ANK3: variants seen among roughly 807,000 people sequenced by gnomAD.
ANK3 encodes ankyrin-3.
In ANK3, 57 loss-of-function variants were observed where a neutral mutation model predicts 370.9. That is an observed-to-expected ratio of 0.15 (90% confidence interval 0.12 to 0.19). The LOEUF is 0.19. ANK3 is among the 10% of genes least tolerant of loss of function. ANK3 has a pLI of 1.00. For synonymous variants in ANK3, 1,929 were observed against 1,946.3 expected (o/e 0.99, Z 0.23); for missense variants, 4,439 against 5,302.1 (o/e 0.84, Z 5.06).
chr10:60,348,551 T>C (rs2056197572), intron 1 of ANK3, among the ~76,000 whole-genome samples: 1 of 152,152 alleles, frequency 6.6e-6, no homozygotes, highest in Non-Finnish European at 1.5e-5. Context: ...ATTTAACTTC[T>C]ATTAGCCTCA....
Position 60,072,814 on chromosome 10 carries a change from C to T in ANK3, c.8067G>A (p.Val2689=). ...SQQTEDSKST[V]EAKGSISQSK... is the part of the protein sequence containing the mutation. ...TCTGTGAAATACTTCCTTTGGCTTC[C>T]ACTGTGGACTTGCTGTCCTCAGTCT... The change falls in exon 37 of 44, where the codon GTG becomes GTA. Residue 2689 remains valine, a synonymous_variant. Transcript: ENST00000280772. 6.2e-7 allele frequency: 1 copy of T among 1,614,118 alleles called. No individual in the cohort carries two copies. Among genetic ancestry groups the T allele is most frequent in the Non-Finnish European group, 8.5e-7 (1 of 1,180,008 alleles).
In ANK3 at chr10:60,044,162, A is replaced by C. The variant is rs928201297; in HGVS notation, c.13066-1403T>G. On this transcript the variant is annotated intron_variant, in intron 42 of 43. Transcript: ENST00000280772. ...TAGGAAGTAATGGTGAAAAGTAGAGATTTTTCTGTTTTAGGAGATGACACT... is the reference window on the plus strand; with the variant it reads ...TAGGAAGTAATGGTGAAAAGTAGAGCTTTTTCTGTTTTAGGAGATGACACT... 18 of 985,388 alleles carry C rather than the reference A, an allele frequency of 1.8e-5. No homozygotes were observed. In the African/African-American group the frequency reaches 2.6e-4, roughly 14 times the overall value. 61.0% of individuals were successfully genotyped at this position (985,388 alleles called of 1,614,324 possible).
intron 1 of ANK3, among the ~76,000 whole-genome samples, chr10:60,316,409 G>A (rs1210921629): frequency 2.0e-5 from 3 of 152,230 alleles, no homozygotes; most frequent in African/African-American, 7.2e-5. Context: ...CTCCTTCCTA[G>A]CTCTTAATCT....
chr10:60,472,458 C>T (rs1311757857), intron 2 of ANK3, among the ~76,000 whole-genome samples: 1 of 152,052 alleles, frequency 6.6e-6, no homozygotes, highest in Non-Finnish European at 1.5e-5. Flanking sequence ...TTAATGTGTT[C>T]GGATAAAGGT....
intron 34 of ANK3, 96 bp from the exon 35 acceptor site, chr10:60,082,272 C>A: frequency 1.9e-6 from 2 of 1,070,750 alleles, no homozygotes; most frequent in South Asian, 2.9e-5. Flanking sequence ...GTAGGGAGCA[C>A]AAATGCAAGC....
chr10:60,032,194 CTTTT>C (rs552219776), intron 43 of ANK3, among the ~76,000 whole-genome samples: 27 of 43,128 alleles, frequency 6.3e-4, no homozygotes, highest in Admixed American at 2.0e-3. Flanking sequence ...TACACAGCTT[CTTTT>C]TTTTTTTTTT....
At chr10:60,059,207 T>C in intron 41 of ANK3, 133 bp downstream of exon 41, 1 of 698,388 alleles carries the variant, frequency 1.4e-6, no homozygotes, top group Admixed American at 2.3e-5. Flanking sequence ...CATAATGAAC[T>C]GGTCTTTAAA....
At chr10:60,321,248 G>A (rs575907477) in intron 1 of ANK3, among the ~76,000 whole-genome samples, 9 of 151,934 alleles carry the variant, frequency 5.9e-5, no homozygotes, top group South Asian at 2.1e-4. Context: ...ATTAGCCAGC[G>A]TTGGTGGCAC....
chr10:60,413,414 T>C (rs1328545846), intron 2 of ANK3, among the ~76,000 whole-genome samples: 2 of 152,288 alleles, frequency 1.3e-5, no homozygotes, highest in African/African-American at 4.8e-5. Context: ...AGATGACAGA[T>C]AAAATTTTTA....
chr10:60,086,967 AGG>A, intron 29 of ANK3, 83 bp from the exon 30 acceptor site: 4 of 720,700 alleles, frequency 5.6e-6, no homozygotes, highest in Admixed American at 4.3e-5. Flanking sequence ...TTAAGTGAGA[AGG>A]AAAAAAACAA....
At chr10:60,470,535 T>C (rs2065191387) in intron 2 of ANK3, among the ~76,000 whole-genome samples, 1 of 152,138 alleles carries the variant, frequency 6.6e-6, no homozygotes. Context: ...ATGTCAGAAT[T>C]CGTTGACTTG....
chr10:60,486,364 A>C (rs1171614797), intron 2 of ANK3, among the ~76,000 whole-genome samples: 1 of 152,212 alleles, frequency 6.6e-6, no homozygotes, highest in East Asian at 1.9e-4. Flanking sequence ...GGATCACTTG[A>C]GGTCAGGAGT....
At chr10:60,042,446 G>A (rs2076263779) in intron 43 of ANK3, among the ~76,000 whole-genome samples, 3 of 152,146 alleles carry the variant, frequency 2.0e-5, no homozygotes, top group African/African-American at 7.2e-5. Flanking sequence ...TTAAATTGCT[G>A]CCTAATTTGT....
intron 18 of ANK3, among the ~76,000 whole-genome samples, chr10:60,180,407 C>T (rs1042178980): frequency 6.6e-6 from 1 of 150,522 alleles, no homozygotes; most frequent in Non-Finnish European, 1.5e-5. Context: ...ACCATCCTGG[C>T]TAACATGGTG....
At chr10:60,610,744 T>C (rs978023059) in intron 2 of ANK3, among the ~76,000 whole-genome samples, 1 of 152,184 alleles carries the variant, frequency 6.6e-6, no homozygotes, top group African/African-American at 2.4e-5. Flanking sequence ...TTCTTCCACC[T>C]TCAGGAAGAA....
chr10:60,712,811 T>C (rs931732845), intron 1 of ANK3, among the ~76,000 whole-genome samples: 2 of 152,206 alleles, frequency 1.3e-5, no homozygotes, highest in African/African-American at 2.4e-5. Context: ...GATGTAGCTA[T>C]ATTAATTTCT....
chr10:60,369,897 T>G (rs1430029055), intron 1 of ANK3, among the ~76,000 whole-genome samples: 1 of 152,158 alleles, frequency 6.6e-6, no homozygotes, highest in Non-Finnish European at 1.5e-5. Context: ...AAACACACAT[T>G]AACACAAACT....
intron 7 of ANK3, among the ~76,000 whole-genome samples, chr10:60,261,373 T>C (rs1178219058): frequency 6.6e-6 from 1 of 152,204 alleles, no homozygotes; most frequent in Non-Finnish European, 1.5e-5. Flanking sequence ...TACACCAACT[T>C]GTTACTCATT....
chr10:60,577,480 C>CT (rs1157397600), intron 2 of ANK3, among the ~76,000 whole-genome samples: 1 of 152,002 alleles, frequency 6.6e-6, no homozygotes, highest in Non-Finnish European at 1.5e-5. Context: ...TTTCCTTGCA[C>CT]TTTTTTTATG....
Sources: allele counts gnomAD v4.1 joint callset (sites outside exome capture counted in the v4.1 genomes callset), GRCh38; gene constraint gnomAD v4.1.1; transcripts MANE v1.5; gene names NCBI Gene and HGNC (gene_info 2026-07-23, HGNC 2026-07-21).